Variants in MACROD2 observed in about 807,000 individuals in gnomAD.
The protein encoded by MACROD2 is ADP-ribose glycohydrolase MACROD2.
MACROD2 carries 36 observed loss-of-function variants against 70.4 expected under a neutral mutation model. The observed-to-expected ratio is 0.51, with a 90% CI of 0.39 to 0.68. The LOEUF (loss-of-function observed/expected upper bound fraction) is 0.68. Ranked by LOEUF, MACROD2 falls within the 30% of genes least tolerant of loss-of-function variation. The pLI is 0.00. For synonymous variants in MACROD2, 172 were observed against 178.8 expected (o/e 0.96, Z 0.30); for missense variants, 496 against 538.4 (o/e 0.92, Z 0.78).
intron 8 of MACROD2, among the ~76,000 whole-genome samples, chr20:15,669,540 G>A (rs1296882526): frequency 6.6e-6 from 1 of 152,090 alleles, no homozygotes; most frequent in African/African-American, 2.4e-5. Context: ...TTTTCATTAG[G>A]ATGCAGTTTA....
chr20:14,603,171 C>A (rs1439175865), intron 4 of MACROD2, among the ~76,000 whole-genome samples: 6 of 152,112 alleles, frequency 3.9e-5, no homozygotes, highest in Non-Finnish European at 8.8e-5. Context: ...CTCTCCCATT[C>A]TCTGATTTAT....
At chr20:14,652,496 G>T (rs998133044) in intron 4 of MACROD2, among the ~76,000 whole-genome samples, 5 of 151,838 alleles carry the variant, frequency 3.3e-5, no homozygotes, top group Non-Finnish European at 7.4e-5. Context: ...ATTGACTATT[G>T]AATTTAATAA....
At chr20:15,290,275 TG>T (rs1298302566) in intron 6 of MACROD2, among the ~76,000 whole-genome samples, 1 of 152,210 alleles carries the variant, frequency 6.6e-6, no homozygotes, top group African/African-American at 2.4e-5. Context: ...TTAAACAAAA[TG>T]GCTTTGCTAT....
chr20:14,467,633 G>A (rs2084472742), intron 3 of MACROD2, among the ~76,000 whole-genome samples: 1 of 152,016 alleles, frequency 6.6e-6, no homozygotes, highest in African/African-American at 2.4e-5. Flanking sequence ...CCTGGGAGCT[G>A]TAGACTGGAG....
intron 3 of MACROD2, among the ~76,000 whole-genome samples, chr20:14,331,106 GA>G (rs946929220): frequency 6.6e-6 from 1 of 152,056 alleles, no homozygotes; most frequent in Non-Finnish European, 1.5e-5. Flanking sequence ...ATATATACTT[GA>G]GATGATGAAT....
chr20:14,969,911 C>T (rs1018026559), intron 5 of MACROD2, among the ~76,000 whole-genome samples: 6 of 152,212 alleles, frequency 3.9e-5, no homozygotes, highest in African/African-American at 1.4e-4. Context: ...CAAAAGGTAG[C>T]AAGACCCTAT....
At chr20:14,313,443 T>C (rs2082584583) in intron 3 of MACROD2, among the ~76,000 whole-genome samples, 1 of 152,042 alleles carries the variant, frequency 6.6e-6, no homozygotes, top group Non-Finnish European at 1.5e-5. Flanking sequence ...TTTTTTTTTT[T>C]TTTTTGTCCC....
rs150898205 is a variant in MACROD2 at position 14,835,453 on chromosome 20, A to G, written c.418+150494A>G. 2.4e-4 allele frequency among the ~76,000 whole-genome samples: 37 copies of G among 152,218 alleles called. No individual in the cohort carries two copies. The East Asian group carries it at 6.6e-3, about 27-fold the overall frequency. On this transcript the variant is annotated intron_variant, in intron 5 of 17. Transcript: ENST00000684519. ...TTGGCATCATGGAAGTTTGTTAGCC[A>G]TTGCCTGGGCTCAGCCATTAGGAAA...
intron 5 of MACROD2, among the ~76,000 whole-genome samples, chr20:15,041,549 A>T (rs1454691332): frequency 6.6e-6 from 1 of 151,982 alleles, no homozygotes; most frequent in Non-Finnish European, 1.5e-5. Context: ...CTCCCACCTC[A>T]GTCTCCTGAG....
chr20:14,784,825 A>G (rs1345839818), intron 5 of MACROD2, among the ~76,000 whole-genome samples: 1 of 151,974 alleles, frequency 6.6e-6, no homozygotes, highest in African/African-American at 2.4e-5. Context: ...GGAGCAGTAG[A>G]TGTAACAGCC....
intron 5 of MACROD2, among the ~76,000 whole-genome samples, chr20:14,694,737 T>G (rs1234694797): frequency 6.6e-6 from 1 of 152,162 alleles, no homozygotes; most frequent in African/African-American, 2.4e-5. Context: ...AAGTCCCAGA[T>G]AGGGATTAAT....
chr20:15,507,480 C>G (rs1383271744), intron 8 of MACROD2, among the ~76,000 whole-genome samples: 2 of 138,442 alleles, frequency 1.4e-5, no homozygotes, highest in African/African-American at 5.3e-5. Context: ...CTTTCCTTTT[C>G]TTTTTTCTTT....
At chr20:14,325,235 C>T (rs2082714982) in intron 3 of MACROD2, 1 of 188,118 alleles carries the variant, frequency 5.3e-6, no homozygotes, top group South Asian at 1.6e-4. Flanking sequence ...CTTTCACAGT[C>T]AACAAGTCAT....
intron 5 of MACROD2, among the ~76,000 whole-genome samples, chr20:14,936,634 CAA>C (rs553802068): frequency 7.1e-6 from 1 of 141,128 alleles, no homozygotes; most frequent in African/African-American, 2.6e-5. Flanking sequence ...AGGTCCTTTC[CAA>C]AAAAAAAAAA....
intron 13 of MACROD2, among the ~76,000 whole-genome samples, chr20:15,978,356 G>A (rs1300047031): frequency 1.3e-5 from 2 of 152,184 alleles, no homozygotes; most frequent in African/African-American, 2.4e-5. Context: ...CCCTCCGGGT[G>A]GCATGGGGGA....
Position 14,758,956 on chromosome 20 carries a change from A to G in MACROD2, c.418+73997A>G, listed in dbSNP as rs1301110303. 2.6e-5 allele frequency among the ~76,000 whole-genome samples: 4 copies of G among 152,248 alleles called. No homozygotes were observed. In the East Asian group the frequency reaches 5.8e-4, roughly 22 times the overall value. On this transcript the variant is annotated intron_variant, in intron 5 of 17. Transcript: ENST00000684519. ...AGTATTTCATGGCATGTATCTCTGT[A>G]TGAATCCACCTATGCTCTCCATCTT...
intron 5 of MACROD2, among the ~76,000 whole-genome samples, chr20:14,687,557 A>G (rs1047785428): frequency 5.3e-5 from 8 of 152,192 alleles, no homozygotes; most frequent in African/African-American, 1.9e-4. Context: ...TGTGGCTTTC[A>G]TGGGCATCCT....
intron 5 of MACROD2, among the ~76,000 whole-genome samples, chr20:15,079,806 T>C (rs534083836): frequency 6.6e-6 from 1 of 152,154 alleles, no homozygotes; most frequent in Admixed American, 6.5e-5. Flanking sequence ...GTCCTCAGCC[T>C]CCTAGAAAGT....
chr20:15,469,769 G>A (rs2046941160), intron 7 of MACROD2, among the ~76,000 whole-genome samples: 1 of 152,136 alleles, frequency 6.6e-6, no homozygotes, highest in African/African-American at 2.4e-5. Flanking sequence ...AATGGCCCCA[G>A]ACACCTCATC....
Sources: gnomAD v4.1 joint callset for allele counts (sites outside exome capture counted in the v4.1 genomes callset) on GRCh38, gnomAD v4.1.1 for gene constraint, MANE v1.5 for transcripts, NCBI Gene and HGNC (gene_info 2026-07-23, HGNC 2026-07-21) for gene names.